The following TOP6BL variants were observed in gnomAD, a reference collection of about 807,000 sequenced individuals.
TOP6BL encodes type 2 DNA topoisomerase 6 subunit B-like.
At chr11:66,756,294 A>G in the TOP6BL span, 3 of 1,126,314 alleles carry the variant, frequency 2.7e-6, no homozygotes, top group Non-Finnish European at 2.2e-6. Context: ...TATGAAACAT[A>G]CTGTTTGGGA....
chr11:66,788,152 T>C, the TOP6BL span: 3 of 1,588,208 alleles, frequency 1.9e-6, no homozygotes, highest in Non-Finnish European at 2.6e-6. Flanking sequence ...CCATTTCTTC[T>C]CACACAGAAA....
At chr11:66,769,370 G>T in the TOP6BL span, among the ~76,000 whole-genome samples, 1 of 150,894 alleles carries the variant, frequency 6.6e-6, no homozygotes, top group Non-Finnish European at 1.5e-5. Flanking sequence ...GAAAAGTAGA[G>T]AAATTGGATT....
chr11:66,842,936 C>G, the TOP6BL span: 7 of 1,558,480 alleles, frequency 4.5e-6, no homozygotes, highest in Middle Eastern at 2.0e-4. Flanking sequence ...GCCAGGGCCC[C>G]GAGCCCGTCA....
At chr11:66,799,207 CAA>C in the TOP6BL span, among the ~76,000 whole-genome samples, 15 of 41,888 alleles carry the variant, frequency 3.6e-4, no homozygotes, top group South Asian at 2.6e-3. Context: ...ACTCTGTCTC[CAA>C]AAAAAAAAAA....
the TOP6BL span, chr11:66,748,386 G>T: frequency 3.9e-6 from 6 of 1,535,264 alleles, no homozygotes; most frequent in African/African-American, 1.4e-5. Flanking sequence ...CAGATTTTGA[G>T]ATTTTTAATA....
chr11:66,781,081 T>C, the TOP6BL span, among the ~76,000 whole-genome samples: 8 of 152,212 alleles, frequency 5.3e-5, no homozygotes, highest in Non-Finnish European at 1.0e-4. Context: ...CACACCTTAA[T>C]ATTTTTCATG....
At chr11:66,783,465 A>G in the TOP6BL span, among the ~76,000 whole-genome samples, 2 of 152,224 alleles carry the variant, frequency 1.3e-5, no homozygotes, top group East Asian at 1.9e-4. Context: ...GTACTGGATC[A>G]TCTTCTGACA....
the TOP6BL span, among the ~76,000 whole-genome samples, chr11:66,841,605 A>T: frequency 6.6e-6 from 1 of 152,184 alleles, no homozygotes; most frequent in Non-Finnish European, 1.5e-5. Flanking sequence ...CAAAATTACC[A>T]ATATATTTCA....
the TOP6BL span, chr11:66,761,789 C>G: frequency 3.7e-6 from 3 of 803,310 alleles, no homozygotes; most frequent in African/African-American, 1.7e-5. Flanking sequence ...GCTGGTGGAC[C>G]AAAAGCTAAC....
chr11:66,798,424 ACT>A, the TOP6BL span, among the ~76,000 whole-genome samples: 23 of 151,522 alleles, frequency 1.5e-4, no homozygotes, highest in African/African-American at 5.6e-4. Flanking sequence ...AGATGGTGAA[ACT>A]CTGTCTCTAC....
the TOP6BL span, among the ~76,000 whole-genome samples, chr11:66,809,103 C>G: frequency 5.3e-5 from 8 of 152,258 alleles, no homozygotes; most frequent in Non-Finnish European, 1.0e-4. Context: ...CGCCACCACG[C>G]CAGGCTAATT....
chr11:66,762,492 C>T, the TOP6BL span: 431 of 257,538 alleles, frequency 1.7e-3, 2 homozygotes, highest in East Asian at 0.011. Context: ...TTCTTTGAGA[C>T]GGAGTCTCGC....
chr11:66,781,871 CTG>C, the TOP6BL span, among the ~76,000 whole-genome samples: 1 of 152,102 alleles, frequency 6.6e-6, no homozygotes, highest in Non-Finnish European at 1.5e-5. Context: ...TCCCCCTTGA[CTG>C]TGGGTTATCA....
the TOP6BL span, chr11:66,828,242 T>G: frequency 2.3e-5 from 35 of 1,541,330 alleles, no homozygotes; most frequent in Non-Finnish European, 2.6e-5. Flanking sequence ...GAACTCAGCA[T>G]GTTCTATTTC....
At chr11:66,783,178 C>G in the TOP6BL span, among the ~76,000 whole-genome samples, 1 of 152,114 alleles carries the variant, frequency 6.6e-6, no homozygotes, top group South Asian at 2.1e-4. Context: ...CAAAAAATTA[C>G]AACAATTTCC....
chr11:66,752,698 C>T, the TOP6BL span, among the ~76,000 whole-genome samples: 1 of 152,084 alleles, frequency 6.6e-6, no homozygotes, highest in African/African-American at 2.4e-5. Flanking sequence ...AGCGATCCAC[C>T]CACCTCAGCC....
At chr11:66,836,016 G>A in the TOP6BL span, among the ~76,000 whole-genome samples, 3 of 152,174 alleles carry the variant, frequency 2.0e-5, no homozygotes, top group Admixed American at 2.0e-4. Context: ...CCAGCACTGT[G>A]TGATGGTTCC....
chr11:66,839,298 C>CA, the TOP6BL span: 3 of 419,162 alleles, frequency 7.2e-6, no homozygotes, highest in South Asian at 5.0e-5. Context: ...TCTCATTTTG[C>CA]ATATGAGGAA....
At chr11:66,842,061 G>T in the TOP6BL span, among the ~76,000 whole-genome samples, 1 of 152,064 alleles carries the variant, frequency 6.6e-6, no homozygotes, top group Non-Finnish European at 1.5e-5. Flanking sequence ...AGCCGGTGTG[G>T]TGGCATGCGC....
Sources: allele counts gnomAD v4.1 joint callset (sites outside exome capture counted in the v4.1 genomes callset), GRCh38; gene constraint gnomAD v4.1.1; transcripts MANE v1.5; gene names NCBI Gene and HGNC (gene_info 2026-07-23, HGNC 2026-07-21).